ZNF366: variants seen among roughly 807,000 people sequenced by gnomAD.
ZNF366 encodes zinc finger protein 366.
Under a neutral mutation model 47.2 loss-of-function variants are expected in ZNF366, and 20 were observed. The ratio of observed to expected loss-of-function variants is 0.42; its 90% confidence interval spans 0.30 to 0.62. ZNF366 has a LOEUF of 0.62. Ranked by LOEUF, ZNF366 falls within the 20% of genes least tolerant of loss-of-function variation. ZNF366 has a pLI of 0.16. For synonymous variants in ZNF366, 421 were observed against 395.1 expected, an observed-to-expected ratio of 1.07 and a Z score of -0.78; for missense variants, 987 against 976.3, an observed-to-expected ratio of 1.01 and a Z score of -0.15.
intron 1 of ZNF366, among the ~76,000 whole-genome samples, chr5:72,501,974 G>A (rs1744219054): frequency 6.6e-6 from 1 of 152,090 alleles, no homozygotes; most frequent in African/African-American, 2.4e-5. Context: ...AGTCAATTCA[G>A]GTGAGGGATA....
In ZNF366 at chr5:72,443,947, C is replaced by G. The variant is rs1276708036; in HGVS notation, c.2044G>C (p.Asp682His). The change falls in exon 5 of 5, where the codon GAC (aspartate) becomes CAC (histidine). Residue 682 changes from aspartate to histidine, a missense_variant. By Grantham distance (81) the Asp-to-His change is moderately conservative. Transcript: ENST00000318442. ...KGEWEKRSKG[D>H]LGAEGGQERD... ...TCCTGGCCGCCCTCTGCCCCAAGGT[C>G]ACCCTTGCTCCTCTTCTCCCATTCT... 8 of 1,614,100 alleles carry G rather than the reference C, an allele frequency of 5.0e-6. No homozygotes were observed. The highest frequency in any genetic ancestry group is 5.9e-6 in the Non-Finnish European group (7 of 1,180,036).
chr5:72,475,962 A>G (rs1440133371), intron 1 of ZNF366, among the ~76,000 whole-genome samples: 4 of 152,180 alleles, frequency 2.6e-5, no homozygotes, highest in Non-Finnish European at 4.4e-5. Flanking sequence ...CGTGTAAAGA[A>G]GCAAAGTATG....
intron 1 of ZNF366, among the ~76,000 whole-genome samples, chr5:72,477,305 G>A (rs1383311147): frequency 1.3e-5 from 2 of 152,154 alleles, no homozygotes; most frequent in African/African-American, 4.8e-5. Flanking sequence ...ACAGAATATT[G>A]GAAAATATCC....
chr5:72,458,860 A>T (rs1481849322), intron 2 of ZNF366, among the ~76,000 whole-genome samples: 6 of 152,246 alleles, frequency 3.9e-5, no homozygotes, highest in Non-Finnish European at 8.8e-5. Context: ...CTTATTTCAG[A>T]CACCAGGCTG....
At chr5:72,459,633 G>A (rs2112326778) in intron 2 of ZNF366, among the ~76,000 whole-genome samples, 1 of 152,322 alleles carries the variant, frequency 6.6e-6, no homozygotes, top group South Asian at 2.1e-4. Flanking sequence ...TATAGGCCCT[G>A]CCGGCCTCAG....
chr5:72,460,283 G>A lies in ZNF366; in HGVS notation c.1214C>T (p.Pro405Leu), dbSNP rs754749373. The A allele has an allele frequency of 3.7e-6, 6 of 1,614,086 alleles. No homozygotes were observed. Among genetic ancestry groups the A allele is most frequent in the East Asian group, 2.2e-5 (1 of 44,894 alleles). Residue 405 changes from proline to leucine, a missense_variant, in exon 2 of 5, where the codon CCG (proline) becomes CTG (leucine). This residue lies in a region of ZNF366 where 591 missense variants were observed against 560.9 expected (regional missense o/e 1.05). Transcript: ENST00000318442. Reference sequence around the variant, plus strand: ...CATCATGTGGTTCTGCAGCTGGCTCGGGTACTGGAAGGTCTTGTCGCACTC... The same window carrying A: ...CATCATGTGGTTCTGCAGCTGGCTCAGGTACTGGAAGGTCTTGTCGCACTC... ...CSECDKTFQY[P>L]SQLQNHMMKH... is the part of the protein sequence containing the mutation.
At chr5:72,450,730 C>A (rs934784860) in intron 3 of ZNF366, among the ~76,000 whole-genome samples, 1 of 152,180 alleles carries the variant, frequency 6.6e-6, no homozygotes, top group African/African-American at 2.4e-5. Flanking sequence ...TTCCACCAAG[C>A]CTTTAGGTTC....
rs57294338 is a variant in ZNF366 at position 72,469,824 on chromosome 5, T to C, written c.-14-8314A>G. ...AACTAGGGAGGCTGAGGCCAGAGGA[T>C]TGCTTGAGGCCAGGAGTTTGAGATC... On this transcript the variant is annotated intron_variant, in intron 1 of 4. Transcript: ENST00000318442. 7.0e-3 allele frequency among the ~76,000 whole-genome samples: 1,072 copies of C among 152,206 alleles called. 15 individuals carry two copies. The highest frequency in any genetic ancestry group is 0.024 in the African/African-American group (1,000 of 41,506).
chr5:72,490,566 G>C (rs1359382295), intron 1 of ZNF366, among the ~76,000 whole-genome samples: 8 of 152,308 alleles, frequency 5.3e-5, no homozygotes, highest in African/African-American at 1.9e-4. Context: ...TTTCGTGGAG[G>C]CATGGGCACT....
intron 1 of ZNF366, among the ~76,000 whole-genome samples, chr5:72,502,994 G>A (rs1201434124): frequency 6.6e-6 from 1 of 151,974 alleles, no homozygotes; most frequent in Non-Finnish European, 1.5e-5. Context: ...GCGTGGTGGC[G>A]GGCAGCTGTG....
chr5:72,461,597 C>G, intron 1 of ZNF366, 87 bp from the exon 2 acceptor site: 2 of 1,476,490 alleles, frequency 1.4e-6, no homozygotes, highest in Non-Finnish European at 1.8e-6. Context: ...TTTATCAGTA[C>G]TAATTTATGA....
chr5:72,502,791 C>T (rs1489331357), intron 1 of ZNF366, among the ~76,000 whole-genome samples: 1 of 152,148 alleles, frequency 6.6e-6, no homozygotes, highest in South Asian at 2.1e-4. Flanking sequence ...AATACATGCT[C>T]ACTCTAAGAT....
chr5:72,497,019 T>C (rs564637840), intron 1 of ZNF366, among the ~76,000 whole-genome samples: 162 of 152,306 alleles, frequency 1.1e-3, no homozygotes, highest in African/African-American at 3.8e-3. Flanking sequence ...ACAAGTCCTT[T>C]ATCAGATATT....
intron 1 of ZNF366, among the ~76,000 whole-genome samples, chr5:72,466,742 G>A (rs575057580): frequency 1.3e-5 from 2 of 152,184 alleles, no homozygotes; most frequent in African/African-American, 2.4e-5. Flanking sequence ...GATGACTTTC[G>A]ATATTTCCCT....
intron 1 of ZNF366, among the ~76,000 whole-genome samples, chr5:72,487,447 A>G (rs924170518): frequency 2.6e-5 from 4 of 152,198 alleles, no homozygotes; most frequent in African/African-American, 9.7e-5. Context: ...CTATGTTTTC[A>G]GTAATTTGAT....
intron 2 of ZNF366, among the ~76,000 whole-genome samples, chr5:72,458,040 G>T (rs1315448113): frequency 6.1e-5 from 7 of 115,314 alleles, no homozygotes; most frequent in African/African-American, 1.0e-4. Flanking sequence ...TTTTTGAGAC[G>T]GAATCTCACT....
intron 1 of ZNF366, among the ~76,000 whole-genome samples, chr5:72,493,918 C>CTTTTTT (rs70999281): frequency 4.5e-4 from 28 of 62,532 alleles, no homozygotes; most frequent in African/African-American, 1.6e-3. Flanking sequence ...CCATGCCCAG[C>CTTTTTT]TTTTTTTTTT....
At chr5:72,485,670 A>T (rs1743876917) in intron 1 of ZNF366, among the ~76,000 whole-genome samples, 1 of 152,214 alleles carries the variant, frequency 6.6e-6, no homozygotes, top group Non-Finnish European at 1.5e-5. Flanking sequence ...AATGTAAATC[A>T]GATCTTGTTA....
intron 3 of ZNF366, among the ~76,000 whole-genome samples, chr5:72,453,976 C>A (rs900909495): frequency 6.6e-6 from 1 of 152,228 alleles, no homozygotes; most frequent in South Asian, 2.1e-4. Context: ...CCTGAGAGGA[C>A]TTACCAACAG....
Sources: allele counts gnomAD v4.1 joint callset (sites outside exome capture counted in the v4.1 genomes callset), GRCh38; gene constraint gnomAD v4.1.1; regional missense constraint gnomAD v4.1.1; transcripts MANE v1.5; gene names NCBI Gene and HGNC (gene_info 2026-07-23, HGNC 2026-07-21).